The following TRDN variants were observed in gnomAD, a reference collection of about 807,000 sequenced individuals.
The protein encoded by TRDN is triadin, also known as triadin in skeletal muscle.
Under a neutral mutation model 149.7 loss-of-function variants are expected in TRDN, and 161 were observed. The observed-to-expected ratio is 1.08, with a 90% CI of 0.95 to 1.23. The LOEUF is 1.23. TRDN is among the 50% of genes most tolerant of loss of function. TRDN has a pLI of 0.00. For synonymous variants in TRDN, 294 were observed against 250.5 expected (o/e 1.17, Z -1.64); for missense variants, 896 against 823.5 (o/e 1.09, Z -1.08).
intron 14 of TRDN, among the ~76,000 whole-genome samples, chr6:123,383,555 A>T (rs1781798384): frequency 6.6e-6 from 1 of 152,106 alleles, no homozygotes; most frequent in Non-Finnish European, 1.5e-5. Context: ...GAGAGTGTTG[A>T]TGAATTTGTG....
intron 21 of TRDN, 172 bp downstream of exon 21, chr6:123,352,367 A>G (rs1371709583): frequency 1.0e-6 from 1 of 984,996 alleles, no homozygotes; most frequent in Non-Finnish European, 1.2e-6. Context: ...AGAAAGACCA[A>G]CCCAGATTGC....
chr6:123,260,461 T>G, intron 34 of TRDN, 151 bp downstream of exon 34: 1 of 725,626 alleles, frequency 1.4e-6, no homozygotes, highest in Non-Finnish European at 2.0e-6. Flanking sequence ...ATAACAAGCC[T>G]TTTGGGAAGT....
rs141871176 is a variant in TRDN at position 123,289,130 on chromosome 6, A to T, written c.1511-10048T>A. Among the ~76,000 whole-genome samples, 471 of 146,940 alleles carry T rather than the reference A, an allele frequency of 3.2e-3. 18 individuals carry two copies. The East Asian group carries it at 0.079, about 25-fold the overall frequency. Reference sequence around the variant, plus strand: ...TATGTATGTATAGTGTATATATATAAAATATGTTATATATATTATATATAA... The same window carrying T: ...TATGTATGTATAGTGTATATATATATAATATGTTATATATATTATATATAA... On this transcript the variant is annotated intron_variant, in intron 24 of 40. Coordinates refer to ENST00000334268, the MANE Select transcript of TRDN (RefSeq NM_006073.4).
At chr6:123,417,190 G>A (rs1773692622) in intron 12 of TRDN, among the ~76,000 whole-genome samples, 2 of 152,092 alleles carry the variant, frequency 1.3e-5, no homozygotes. Context: ...CTTTATATCT[G>A]TCTCATAAAA....
intron 29 of TRDN, among the ~76,000 whole-genome samples, chr6:123,272,612 T>C (rs1340843801): frequency 6.6e-6 from 1 of 151,976 alleles, no homozygotes; most frequent in Non-Finnish European, 1.5e-5. Flanking sequence ...AAAATGATCA[T>C]ATTTTAATAA....
chr6:123,499,719 A>AAAAAAATATATATATATATATATATAT, intron 8 of TRDN, among the ~76,000 whole-genome samples: 4 of 47,644 alleles, frequency 8.4e-5, no homozygotes, highest in Non-Finnish European at 1.3e-4. Flanking sequence ...AAAAAAAAAA[A>AAAAAAATATATATATATATATATATAT]ATATATATAT....
At chr6:123,615,713 G>A (rs142175288) in intron 1 of TRDN, among the ~76,000 whole-genome samples, 2,077 of 152,210 alleles carry the variant, frequency 0.014, 26 homozygotes, top group Non-Finnish European at 0.022. Context: ...TCTCATAGAC[G>A]TAGAGAGTAG....
chr6:123,421,232 C>T (rs1218194126), intron 12 of TRDN, among the ~76,000 whole-genome samples: 1 of 152,186 alleles, frequency 6.6e-6, no homozygotes. Flanking sequence ...ATTAGGCCCT[C>T]CTTACCTGTC....
chr6:123,448,574 C>T (rs1007220895), intron 10 of TRDN, among the ~76,000 whole-genome samples: 9 of 152,076 alleles, frequency 5.9e-5, no homozygotes, highest in Non-Finnish European at 1.3e-4. Context: ...ACAGCAGCTA[C>T]AGCAAGACCC....
intron 1 of TRDN, among the ~76,000 whole-genome samples, chr6:123,631,598 A>T (rs1163010232): frequency 1.3e-5 from 2 of 152,058 alleles, no homozygotes; most frequent in African/African-American, 4.8e-5. Context: ...TTTAGAGAGT[A>T]ATTTGCACTT....
chr6:123,309,154 C>A (rs1778720383), intron 24 of TRDN, among the ~76,000 whole-genome samples: 1 of 151,924 alleles, frequency 6.6e-6, no homozygotes, highest in African/African-American at 2.4e-5. Flanking sequence ...AACAATTCCA[C>A]CTTCTTCTCG....
At chr6:123,219,697 T>A (rs1163951273) in intron 40 of TRDN, among the ~76,000 whole-genome samples, 1 of 151,812 alleles carries the variant, frequency 6.6e-6, no homozygotes, top group East Asian at 1.9e-4. Flanking sequence ...GAATCTTGAA[T>A]TTAGTTATCT....
chr6:123,571,883 A>T (rs1285200705), intron 1 of TRDN, among the ~76,000 whole-genome samples: 5 of 152,036 alleles, frequency 3.3e-5, no homozygotes, highest in African/African-American at 1.2e-4. Flanking sequence ...ATGTAATTTT[A>T]TGGCTGTGCG....
chr6:123,496,263 G>T (rs1185036998), intron 9 of TRDN, among the ~76,000 whole-genome samples: 1 of 151,272 alleles, frequency 6.6e-6, no homozygotes, highest in Non-Finnish European at 1.5e-5. Flanking sequence ...ATTTTCCGGA[G>T]TGCAAAGGTT....
At chr6:123,485,913 C>T (rs1225116204) in intron 9 of TRDN, among the ~76,000 whole-genome samples, 1 of 151,896 alleles carries the variant, frequency 6.6e-6, no homozygotes, top group Non-Finnish European at 1.5e-5. Flanking sequence ...CTTTTATTTG[C>T]TCCTGAAATC....
chr6:123,466,657 A>G (rs1478588610), intron 9 of TRDN, among the ~76,000 whole-genome samples: 2 of 151,832 alleles, frequency 1.3e-5, no homozygotes, highest in Admixed American at 1.3e-4. Flanking sequence ...CTATTCCCCA[A>G]CCTTGTTTGA....
chr6:123,598,081 C>G (rs780956238), intron 1 of TRDN, among the ~76,000 whole-genome samples: 12 of 152,028 alleles, frequency 7.9e-5, no homozygotes, highest in Non-Finnish European at 2.9e-5. Context: ...GTGGATGGAG[C>G]AGCAAACTGG....
intron 23 of TRDN, among the ~76,000 whole-genome samples, chr6:123,329,260 G>A (rs1283926734): frequency 6.6e-6 from 1 of 152,108 alleles, no homozygotes; most frequent in Non-Finnish European, 1.5e-5. Context: ...AGAAGAATAT[G>A]CTGTGGCTAT....
intron 23 of TRDN, among the ~76,000 whole-genome samples, chr6:123,324,617 A>G (rs1329610967): frequency 4.6e-5 from 7 of 152,154 alleles, no homozygotes; most frequent in African/African-American, 1.7e-4. Context: ...GAGGGCTGAT[A>G]TTTAAAAAAT....
Sources: gnomAD v4.1 joint callset for allele counts (sites outside exome capture counted in the v4.1 genomes callset) on GRCh38, gnomAD v4.1.1 for gene constraint, MANE v1.5 for transcripts, NCBI Gene and HGNC (gene_info 2026-07-23, HGNC 2026-07-21) for gene names.